The following CPA6 variants were observed in gnomAD, a reference collection of about 807,000 sequenced individuals.
CPA6 encodes carboxypeptidase A6.
In CPA6, 58 loss-of-function variants were observed where a neutral mutation model predicts 63.3. The observed-to-expected ratio is 0.92, with a 90% CI of 0.74 to 1.14. CPA6 has a LOEUF of 1.14. Ranked by LOEUF, CPA6 falls within the 50% of genes most tolerant of loss-of-function variation. The pLI is 0.00. For missense variants in CPA6, 565 were observed against 526.6 expected (o/e 1.07, Z -0.71); for synonymous variants, 185 against 179.0 (o/e 1.03, Z -0.27).
intron 8 of CPA6, among the ~76,000 whole-genome samples, chr8:67,445,007 T>C (rs1476093326): frequency 2.0e-5 from 3 of 152,142 alleles, no homozygotes; most frequent in African/African-American, 7.2e-5. Context: ...CATTTAATTT[T>C]ATAGTAACAA....
intron 1 of CPA6, among the ~76,000 whole-genome samples, chr8:67,721,399 T>C (rs868145373): frequency 1.1e-4 from 17 of 152,372 alleles, no homozygotes; most frequent in Middle Eastern, 3.4e-3. Context: ...GATTTTCTTT[T>C]GACTTTTAAA....
chr8:67,684,174 C>T (rs1367757040), intron 1 of CPA6, among the ~76,000 whole-genome samples: 1 of 151,436 alleles, frequency 6.6e-6, no homozygotes, highest in Non-Finnish European at 1.5e-5. Flanking sequence ...AGGCAGGAGC[C>T]ACTGTGCCTG....
At chr8:67,628,203 A>G (rs1815236882) in intron 1 of CPA6, among the ~76,000 whole-genome samples, 1 of 150,750 alleles carries the variant, frequency 6.6e-6, no homozygotes, top group Non-Finnish European at 1.5e-5. Flanking sequence ...ACAGAGCGAG[A>G]CTCCATCTTA....
intron 1 of CPA6, among the ~76,000 whole-genome samples, chr8:67,698,024 G>C (rs1177391365): frequency 6.6e-6 from 1 of 152,098 alleles, no homozygotes; most frequent in East Asian, 1.9e-4. Context: ...ATTCTGTTAG[G>C]TCCAGGAAAT....
At chr8:67,556,816 C>T (rs987679296) in intron 2 of CPA6, among the ~76,000 whole-genome samples, 1 of 152,232 alleles carries the variant, frequency 6.6e-6, no homozygotes, top group African/African-American at 2.4e-5. Flanking sequence ...GCGGCAGCGC[C>T]GAGAGTTTGC....
chr8:67,447,001 C>CAT lies in CPA6; in HGVS notation c.839-12763_839-12762dup, dbSNP rs770883357. On this transcript the variant is annotated intron_variant, in intron 8 of 10. Transcript: ENST00000297770. ...GCTATATAGGTATAAATTACACATTCATATATATATATACACACACACATA... is the reference window on the plus strand; with the variant it reads ...GCTATATAGGTATAAATTACACATTCATATATATATATATACACACACACATA... Among the ~76,000 whole-genome samples, 58 of 143,790 alleles carry CAT rather than the reference C, an allele frequency of 4.0e-4. 1 individual carries two copies. Among genetic ancestry groups the CAT allele is most frequent in the East Asian group, 1.2e-3 (6 of 4,884 alleles). 94.3% of individuals were successfully genotyped at this position (143,790 alleles called of 152,430 possible). A position where few individuals can be genotyped will look rare whatever the true frequency, so the allele number is the denominator to read the frequency against.
chr8:67,572,416 G>T (rs914991378), intron 2 of CPA6, among the ~76,000 whole-genome samples: 4 of 152,200 alleles, frequency 2.6e-5, no homozygotes, highest in African/African-American at 9.7e-5. Context: ...TATGAGAGGA[G>T]CCTATTATAA....
At chr8:67,511,884 G>T (rs1812050091) in intron 3 of CPA6, among the ~76,000 whole-genome samples, 1 of 152,198 alleles carries the variant, frequency 6.6e-6, no homozygotes, top group South Asian at 2.1e-4. Flanking sequence ...TCAAGTGATA[G>T]TAGTAGTAAC....
chr8:67,640,635 G>A (rs1450515546), intron 1 of CPA6, among the ~76,000 whole-genome samples: 1 of 151,306 alleles, frequency 6.6e-6, no homozygotes, highest in East Asian at 1.9e-4. Context: ...AGGAGCGCAG[G>A]GGTGCCTGGG....
intron 1 of CPA6, among the ~76,000 whole-genome samples, chr8:67,651,045 G>A (rs1033350288): frequency 6.6e-6 from 1 of 152,230 alleles, no homozygotes; most frequent in South Asian, 2.1e-4. Context: ...AGAAGCCAAA[G>A]AATCAAAGAA....
chr8:67,534,368 A>C (rs56241822), intron 2 of CPA6, among the ~76,000 whole-genome samples: 44,056 of 151,966 alleles, frequency 0.29, 6,553 homozygotes, highest in South Asian at 0.4. Flanking sequence ...TGGCAGGGCC[A>C]GTGGCTAATC....
At chr8:67,526,362 GT>G (rs906219935) in intron 2 of CPA6, among the ~76,000 whole-genome samples, 2 of 151,992 alleles carry the variant, frequency 1.3e-5, no homozygotes, top group African/African-American at 2.4e-5. Flanking sequence ...AAATAGACAT[GT>G]TTTTTTTCTT....
intron 1 of CPA6, among the ~76,000 whole-genome samples, chr8:67,632,649 A>G (rs918983809): frequency 3.9e-5 from 6 of 152,204 alleles, no homozygotes; most frequent in Non-Finnish European, 7.3e-5. Flanking sequence ...TGATGTTCAG[A>G]TCTAATAGTT....
intron 6 of CPA6, among the ~76,000 whole-genome samples, chr8:67,502,800 G>A (rs1811853556): frequency 6.6e-6 from 1 of 152,074 alleles, no homozygotes; most frequent in African/African-American, 2.4e-5. Context: ...TTATTCTTCT[G>A]CTATCAATTA....
intron 3 of CPA6, among the ~76,000 whole-genome samples, chr8:67,512,440 T>C (rs1163187989): frequency 2.0e-5 from 3 of 152,170 alleles, no homozygotes; most frequent in African/African-American, 7.2e-5. Context: ...GCATCAAGAA[T>C]GCCAAGAGAA....
chr8:67,445,586 T>C (rs1212455983), intron 8 of CPA6, among the ~76,000 whole-genome samples: 1 of 152,188 alleles, frequency 6.6e-6, no homozygotes, highest in Non-Finnish European at 1.5e-5. Context: ...AGTTTTTAAA[T>C]TAATTGTGTA....
chr8:67,731,469 C>A (rs1414778605), intron 1 of CPA6, among the ~76,000 whole-genome samples: 1 of 152,248 alleles, frequency 6.6e-6, no homozygotes, highest in Non-Finnish European at 1.5e-5. Context: ...TTCACACCAC[C>A]TCTGTCTGAA....
chr8:67,700,721 T>C (rs1451979378), intron 1 of CPA6, among the ~76,000 whole-genome samples: 1 of 152,144 alleles, frequency 6.6e-6, no homozygotes, highest in African/African-American at 2.4e-5. Context: ...ACTAAACATA[T>C]TGACAAAAGA....
At chr8:67,607,234 CTTCTTCTTCTT>C (rs1814683727) in intron 2 of CPA6, among the ~76,000 whole-genome samples, 5 of 117,560 alleles carry the variant, frequency 4.3e-5, no homozygotes, top group African/African-American at 1.4e-4. Context: ...TCTTCTTCTT[CTTCTTCTTCTT>C]CTTCTTCTCC....
Sources: gnomAD v4.1 joint callset for allele counts (sites outside exome capture counted in the v4.1 genomes callset) on GRCh38, gnomAD v4.1.1 for gene constraint, MANE v1.5 for transcripts, NCBI Gene and HGNC (gene_info 2026-07-23, HGNC 2026-07-21) for gene names.